Variants in NUP93 observed in about 807,000 individuals in gnomAD.
NUP93 encodes the protein nucleoporin 93, also known as nuclear pore complex protein Nup93.
In NUP93, 55 loss-of-function variants were observed where a neutral mutation model predicts 107.8. That is an observed-to-expected ratio of 0.51 (90% CI 0.41 to 0.64). The LOEUF (loss-of-function observed/expected upper bound fraction) is 0.64. NUP93 is among the 30% of genes least tolerant of loss of function. NUP93 has a pLI of 0.00. For missense variants in NUP93, 937 were observed against 1,044.7 expected (o/e 0.90, Z 1.42); for synonymous variants, 390 against 397.5 (o/e 0.98, Z 0.22).
intron 5 of NUP93, among the ~76,000 whole-genome samples, chr16:56,812,685 AGAGTC>A (rs1363923590): frequency 6.6e-6 from 1 of 152,172 alleles, no homozygotes; most frequent in Non-Finnish European, 1.5e-5. Context: ...TCAGTAGCAT[AGAGTC>A]AATTTGGGAA....
chr16:56,798,634 G>C, intron 4 of NUP93, 96 bp downstream of exon 4: 1 of 967,864 alleles, frequency 1.0e-6, no homozygotes, highest in Non-Finnish European at 1.6e-6. Flanking sequence ...TTGGGAGGCT[G>C]ATGCAGGAAG....
chr16:56,842,897 C>T (rs1453646854), intron 21 of NUP93, among the ~76,000 whole-genome samples: 1 of 152,114 alleles, frequency 6.6e-6, no homozygotes, highest in Non-Finnish European at 1.5e-5. Context: ...AACCTTTCCA[C>T]TTAATTTTTG....
At chr16:56,771,821 G>A (rs1259466077) in intron 3 of NUP93, among the ~76,000 whole-genome samples, 3 of 152,178 alleles carry the variant, frequency 2.0e-5, no homozygotes, top group Non-Finnish European at 4.4e-5. Context: ...GTCTGAGTAG[G>A]TCATTGCTCC....
At chr16:56,819,833 G>C (rs1356029295) in intron 6 of NUP93, among the ~76,000 whole-genome samples, 1 of 152,142 alleles carries the variant, frequency 6.6e-6, no homozygotes, top group African/African-American at 2.4e-5. Context: ...TCTCTTTGGG[G>C]TGCCATTGCC....
At chr16:56,811,997 A>C (rs186379959) in intron 5 of NUP93, among the ~76,000 whole-genome samples, 59 of 152,236 alleles carry the variant, frequency 3.9e-4, no homozygotes, top group African/African-American at 1.4e-3. Context: ...AATCAAAAAA[A>C]TCTTTGCATA....
intron 1 of NUP93, among the ~76,000 whole-genome samples, chr16:56,733,028 A>T (rs1380801751): frequency 6.6e-6 from 1 of 152,210 alleles, no homozygotes; most frequent in Non-Finnish European, 1.5e-5. Flanking sequence ...AGCTGGCTGC[A>T]GCATACATAG....
At chr16:56,814,152 T>C (rs1963371262) in intron 5 of NUP93, among the ~76,000 whole-genome samples, 1 of 152,238 alleles carries the variant, frequency 6.6e-6, no homozygotes, top group African/African-American at 2.4e-5. Context: ...ATATTCATTT[T>C]GCTAGGAGTG....
At position 56,831,966 on chromosome 16, in the gene NUP93, A is replaced by C. The variant is rs574840905; in HGVS notation, c.1210A>C (p.Ser404Arg). ...IGRCDVTDNQ[S>R]EVADKTEDYL... ...CAGATGTGACGTCACCGACAACCAG[A>C]GTGAAGTGGCGGACAAAACTGAGGA... Residue 404 changes from serine to arginine, a missense_variant, in exon 11 of 22, where the codon AGT (serine) becomes CGT (arginine). Coordinates refer to ENST00000308159, the MANE Select transcript of NUP93 (RefSeq NM_014669.5). 29 of 1,614,088 alleles carry C rather than the reference A, an allele frequency of 1.8e-5. No homozygotes were observed. Among genetic ancestry groups the C allele is most frequent in the Non-Finnish European group, 2.5e-5 (29 of 1,179,990 alleles).
At chr16:56,812,591 C>T (rs1004008097) in intron 5 of NUP93, among the ~76,000 whole-genome samples, 1 of 152,148 alleles carries the variant, frequency 6.6e-6, no homozygotes, top group African/African-American at 2.4e-5. Flanking sequence ...GATCTGCCCG[C>T]CTCGGCCTCC....
chr16:56,819,829 T>G (rs1441005544), intron 6 of NUP93, among the ~76,000 whole-genome samples: 2 of 152,228 alleles, frequency 1.3e-5, no homozygotes, highest in Non-Finnish European at 2.9e-5. Flanking sequence ...TCTCTCTCTT[T>G]GGGGTGCCAT....
intron 5 of NUP93, among the ~76,000 whole-genome samples, chr16:56,814,287 C>A (rs1230944658): frequency 6.6e-6 from 1 of 152,148 alleles, no homozygotes; most frequent in African/African-American, 2.4e-5. Context: ...CTCAAGCGAT[C>A]CTCTCGCTTC....
intron 8 of NUP93, among the ~76,000 whole-genome samples, chr16:56,826,758 A>G (rs1475219036): frequency 6.6e-6 from 1 of 151,708 alleles, no homozygotes; most frequent in African/African-American, 2.4e-5. Flanking sequence ...ATAAAATTTC[A>G]TTGAGTCGGC....
chr16:56,738,680 T>C (rs930730915), intron 1 of NUP93, among the ~76,000 whole-genome samples: 13 of 152,172 alleles, frequency 8.5e-5, no homozygotes, highest in Admixed American at 6.5e-4. Context: ...TTTGGGGTTG[T>C]TGTTGTAATT....
intron 7 of NUP93, among the ~76,000 whole-genome samples, chr16:56,823,134 T>C (rs547463212): frequency 6.6e-6 from 1 of 152,250 alleles, no homozygotes; most frequent in East Asian, 1.9e-4. Context: ...GAACACCCGC[T>C]CCTTTCCTGG....
intron 1 of NUP93, among the ~76,000 whole-genome samples, chr16:56,732,228 C>T (rs1470087094): frequency 6.6e-6 from 1 of 152,204 alleles, no homozygotes; most frequent in African/African-American, 2.4e-5. Context: ...TGTCTTCCCC[C>T]TGTAGAATGT....
chr16:56,772,724 C>T (rs573466268), intron 3 of NUP93, among the ~76,000 whole-genome samples: 1 of 152,336 alleles, frequency 6.6e-6, no homozygotes, highest in East Asian at 1.9e-4. Context: ...TTTGTCTAGC[C>T]AGTTTGCTCA....
Position 56,839,523 on chromosome 16 carries a change from C to A in NUP93, c.2139C>A (p.Ile713=). Residue 713 remains isoleucine (I), a splice_region_variant and synonymous_variant, in exon 20 of 22, where the codon ATC becomes ATA. Transcript: ENST00000308159. ...GGGCCGGTGGTTGTTTTAAACAGAT[C>A]ATTGAGCGCTTGAAGCTGGTGCCCC... The part of the protein sequence containing the change: ...HSGHIDRAFD[I]IERLKLVPLN... 6.2e-7 allele frequency: 1 copy of A among 1,610,196 alleles called. No homozygotes were observed. Among genetic ancestry groups the A allele is most frequent in the Non-Finnish European group, 8.5e-7 (1 of 1,178,606 alleles).
chr16:56,831,054 C>T (rs924674793), intron 10 of NUP93, among the ~76,000 whole-genome samples: 5 of 152,092 alleles, frequency 3.3e-5, no homozygotes, highest in African/African-American at 1.2e-4. Flanking sequence ...CTTTTTTGGT[C>T]AACCAATATG....
chr16:56,765,314 C>T (rs1596781454), intron 3 of NUP93, among the ~76,000 whole-genome samples: 1 of 152,288 alleles, frequency 6.6e-6, no homozygotes, highest in East Asian at 1.9e-4. Flanking sequence ...TTCCTCTTGT[C>T]CCTAAGAGAA....
Sources: gnomAD v4.1 joint callset for allele counts (sites outside exome capture counted in the v4.1 genomes callset) on GRCh38, gnomAD v4.1.1 for gene constraint, MANE v1.5 for transcripts, NCBI Gene and HGNC (gene_info 2026-07-23, HGNC 2026-07-21) for gene names.